HPSE2: variants seen among roughly 807,000 people sequenced by gnomAD.
HPSE2 encodes the protein inactive heparanase-2.
HPSE2 carries 38 observed loss-of-function variants against 60.5 expected under a neutral mutation model. That is an observed-to-expected ratio of 0.63 (90% confidence interval 0.48 to 0.82). The LOEUF is 0.82. Ranked by LOEUF, HPSE2 falls within the 40% of genes least tolerant of loss-of-function variation. HPSE2 has a pLI of 0.00. For missense variants in HPSE2, 713 were observed against 740.4 expected (o/e 0.96, Z 0.43); for synonymous variants, 295 against 293.2 (o/e 1.01, Z -0.06).
chr10:98,920,159 C>T (rs181374258), intron 3 of HPSE2, among the ~76,000 whole-genome samples: 1 of 152,188 alleles, frequency 6.6e-6, no homozygotes, highest in Non-Finnish European at 1.5e-5. Context: ...CACAGTCAAG[C>T]TAAGCCATCC....
intron 9 of HPSE2, among the ~76,000 whole-genome samples, chr10:98,600,911 G>GTATATATGTGTGTATATA (rs576143051): frequency 4.1e-5 from 3 of 73,720 alleles, no homozygotes; most frequent in African/African-American, 1.1e-4. Flanking sequence ...ATGTGTGTGT[G>GTATATATGTGTGTATATA]TATATATATA....
At chr10:98,562,482 T>A (rs1052959800) in intron 9 of HPSE2, among the ~76,000 whole-genome samples, 6 of 152,008 alleles carry the variant, frequency 3.9e-5, no homozygotes, top group Non-Finnish European at 7.4e-5. Flanking sequence ...TTTGGGAGGC[T>A]GAGGCGGGCG....
intron 3 of HPSE2, among the ~76,000 whole-genome samples, chr10:98,849,071 G>C (rs1449561416): frequency 6.6e-6 from 1 of 151,264 alleles, no homozygotes; most frequent in Non-Finnish European, 1.5e-5. Flanking sequence ...GTTCACATAG[G>C]GCAGTGAGTT....
chr10:98,659,017 T>C (rs1422721086), intron 6 of HPSE2, among the ~76,000 whole-genome samples: 2 of 151,640 alleles, frequency 1.3e-5, no homozygotes, highest in Admixed American at 1.3e-4. Flanking sequence ...TGTACAACCA[T>C]CATCATTATC....
At chr10:98,819,028 A>G (rs1362201197) in intron 3 of HPSE2, among the ~76,000 whole-genome samples, 1 of 152,232 alleles carries the variant, frequency 6.6e-6, no homozygotes, top group African/African-American at 2.4e-5. Context: ...CTTTAACACT[A>G]TAAAACTAAA....
At chr10:98,474,032 C>G (rs577619640) in intron 11 of HPSE2, among the ~76,000 whole-genome samples, 1 of 152,262 alleles carries the variant, frequency 6.6e-6, no homozygotes, top group African/African-American at 2.4e-5. Flanking sequence ...TGATCCCAGA[C>G]AAGTGAAGAT....
intron 9 of HPSE2, among the ~76,000 whole-genome samples, chr10:98,535,864 G>T (rs1267239384): frequency 6.6e-6 from 1 of 152,070 alleles, no homozygotes; most frequent in Non-Finnish European, 1.5e-5. Flanking sequence ...ACATATCAAG[G>T]CTTCCCAAGA....
At chr10:98,851,210 T>C (rs995392532) in intron 3 of HPSE2, among the ~76,000 whole-genome samples, 5 of 152,160 alleles carry the variant, frequency 3.3e-5, no homozygotes, top group Non-Finnish European at 5.9e-5. Flanking sequence ...ATATTTGAAG[T>C]GAATCTCCAA....
At chr10:98,482,534 T>C (rs1941279412) in intron 11 of HPSE2, 102 bp downstream of exon 11, 1 of 1,428,806 alleles carries the variant, frequency 7.0e-7, no homozygotes, top group Non-Finnish European at 9.9e-7. Context: ...TCCATCCCAC[T>C]GAGCCCTTGA....
the HPSE2 span, among the ~76,000 whole-genome samples, chr10:99,249,693 A>T: frequency 2.0e-5 from 3 of 152,174 alleles, no homozygotes; most frequent in African/African-American, 7.2e-5. Context: ...GCAGAATGAT[A>T]TGATTTGGAT....
At chr10:99,045,870 TG>T in intron 3 of HPSE2, among the ~76,000 whole-genome samples, 1 of 152,020 alleles carries the variant, frequency 6.6e-6, no homozygotes, top group Non-Finnish European at 1.5e-5. Flanking sequence ...AAAATAGCCC[TG>T]GAACAGATGG....
chr10:98,712,280 G>GA (rs71304998), intron 5 of HPSE2, among the ~76,000 whole-genome samples: 42,232 of 146,228 alleles, frequency 0.29, 7,247 homozygotes, highest in East Asian at 0.39. Context: ...AAAATTAGAA[G>GA]AAAAAAAAAA....
chr10:99,026,826 A>G (rs952340206), intron 3 of HPSE2, among the ~76,000 whole-genome samples: 6 of 152,194 alleles, frequency 3.9e-5, no homozygotes, highest in Non-Finnish European at 5.9e-5. Flanking sequence ...TAATTTTGGA[A>G]ACTGTATAAA....
At chr10:98,662,908 C>G (rs1221620062) in intron 6 of HPSE2, among the ~76,000 whole-genome samples, 1 of 152,128 alleles carries the variant, frequency 6.6e-6, no homozygotes, top group Non-Finnish European at 1.5e-5. Context: ...GGAAATAATA[C>G]AAGCCTATAT....
At chr10:98,802,316 A>G (rs191687950) in intron 3 of HPSE2, among the ~76,000 whole-genome samples, 41 of 146,472 alleles carry the variant, frequency 2.8e-4, no homozygotes, top group African/African-American at 9.4e-4. Context: ...TTTTTGAGTT[A>G]ATTTTTTAAA....
chr10:99,174,432 G>A (rs970805385), intron 2 of HPSE2, among the ~76,000 whole-genome samples: 2 of 152,188 alleles, frequency 1.3e-5, no homozygotes, highest in African/African-American at 4.8e-5. Flanking sequence ...TATAGGAGAT[G>A]TATCGTCAAC....
chr10:99,123,224 T>C (rs1845028577), intron 3 of HPSE2, among the ~76,000 whole-genome samples: 2 of 152,316 alleles, frequency 1.3e-5, no homozygotes, highest in African/African-American at 4.8e-5. Context: ...AGGATTAACA[T>C]TTCTATTCAC....
intron 2 of HPSE2, among the ~76,000 whole-genome samples, chr10:99,210,293 C>A (rs1848913302): frequency 6.6e-6 from 1 of 152,084 alleles, no homozygotes; most frequent in South Asian, 2.1e-4. Flanking sequence ...GATCTCTCCT[C>A]AAAGAAAAGG....
Position 98,723,435 on chromosome 10 carries a change from C to T in HPSE2, c.785-1607G>A, listed in dbSNP as rs11189773. ...TTGGTCTAAAATTCTCTTTTTTTGT[C>T]GTGTCTCTGCCAGGCTTTGGTATCA... is the stretch of plus-strand genomic sequence containing the variant. On this transcript the variant is annotated intron_variant, in intron 4 of 11. Transcript: ENST00000370552. Among the ~76,000 whole-genome samples, 233 of 151,950 alleles carry T rather than the reference C, an allele frequency of 1.5e-3. 2 individuals carry two copies. In the East Asian group the frequency reaches 0.03, roughly 20 times the overall value.
Sources: allele counts gnomAD v4.1 joint callset (sites outside exome capture counted in the v4.1 genomes callset), GRCh38; gene constraint gnomAD v4.1.1; transcripts MANE v1.5; gene names NCBI Gene and HGNC (gene_info 2026-07-23, HGNC 2026-07-21).